The following KHDRBS2 variants were observed in gnomAD, a reference collection of about 807,000 sequenced individuals.
KHDRBS2 encodes KH domain-containing, RNA-binding, signal transduction-associated protein 2.
KHDRBS2 carries 26 observed loss-of-function variants against 44.3 expected under a neutral mutation model. The ratio of observed to expected loss-of-function variants is 0.59; its 90% CI spans 0.43 to 0.81. The LOEUF (loss-of-function observed/expected upper bound fraction) is 0.81, where lower values mean the gene tolerates loss of function less well. Among genes scored for constraint, KHDRBS2 ranks in the 40% least tolerant of loss-of-function variants. The probability of loss-of-function intolerance (pLI) is 0.00; values close to 1 mark genes in which losing one functional copy is unlikely to be tolerated. For missense variants in KHDRBS2, 476 were observed against 433.1 expected, an observed-to-expected ratio of 1.10 and a Z score of -0.88; for synonymous variants, 194 against 151.1, an observed-to-expected ratio of 1.28 and a Z score of -2.08.
At chr6:61,768,245 C>T (rs1009946793) in intron 6 of KHDRBS2, among the ~76,000 whole-genome samples, 1 of 152,044 alleles carries the variant, frequency 6.6e-6, no homozygotes, top group South Asian at 2.1e-4. Context: ...AGATCCTTTG[C>T]ATGTTGTGTC....
intron 1 of KHDRBS2, among the ~76,000 whole-genome samples, chr6:62,271,421 TAATA>T (rs533110028): frequency 1.5e-3 from 224 of 152,308 alleles, no homozygotes; most frequent in African/African-American, 5.2e-3. Flanking sequence ...TACTTGATAA[TAATA>T]AATGTGTTAC....
intron 7 of KHDRBS2, among the ~76,000 whole-genome samples, chr6:61,717,801 T>C (rs1484250074): frequency 6.6e-6 from 1 of 152,094 alleles, no homozygotes; most frequent in African/African-American, 2.4e-5. Context: ...AAGTATCTTT[T>C]GGTCAGAACT....
In KHDRBS2 at chr6:61,719,872, C is replaced by A. The variant is rs549062414; in HGVS notation, c.893+12810G>T. Among the ~76,000 whole-genome samples the A allele has an allele frequency of 2.6e-5, 4 of 152,034 alleles. No homozygotes were observed. The South Asian group carries it at 8.3e-4, about 32-fold the overall frequency. ...ATACATGTGCCATGTTGGTGTGCTG[C>A]ACCCACTAACTCGTCATCTAGCATT... On this transcript the variant is annotated intron_variant, in intron 7 of 8. Transcript: ENST00000281156.
At chr6:61,955,423 C>T (rs1288753846) in intron 4 of KHDRBS2, among the ~76,000 whole-genome samples, 1 of 140,500 alleles carries the variant, frequency 7.1e-6, no homozygotes, top group Non-Finnish European at 1.6e-5. Flanking sequence ...TATATATACA[C>T]ATACGTATGT....
chr6:61,903,672 G>A (rs978915387), intron 4 of KHDRBS2, among the ~76,000 whole-genome samples: 2 of 152,084 alleles, frequency 1.3e-5, no homozygotes, highest in Non-Finnish European at 2.9e-5. Flanking sequence ...TCTGAGATTT[G>A]CCATGTGATT....
At chr6:62,042,784 T>C (rs1786818282) in intron 3 of KHDRBS2, among the ~76,000 whole-genome samples, 1 of 152,066 alleles carries the variant, frequency 6.6e-6, no homozygotes, top group Non-Finnish European at 1.5e-5. Flanking sequence ...GCAGAAGAAA[T>C]ATTCTAGAAT....
intron 1 of KHDRBS2, among the ~76,000 whole-genome samples, chr6:62,214,252 T>C (rs542200150): frequency 6.0e-4 from 91 of 152,260 alleles, no homozygotes; most frequent in African/African-American, 2.0e-3. Context: ...GTATAGACAT[T>C]TTATATCATT....
At chr6:62,255,731 C>A (rs1209430866) in intron 1 of KHDRBS2, among the ~76,000 whole-genome samples, 2 of 151,802 alleles carry the variant, frequency 1.3e-5, no homozygotes, top group African/African-American at 4.8e-5. Flanking sequence ...TCCTGGTACT[C>A]CATCTCAGAA....
At chr6:61,698,000 G>C (rs1361734408) in intron 7 of KHDRBS2, among the ~76,000 whole-genome samples, 2 of 152,080 alleles carry the variant, frequency 1.3e-5, no homozygotes, top group Non-Finnish European at 2.9e-5. Flanking sequence ...TTCTTGAAAA[G>C]AAGTGACTTT....
At chr6:61,668,685 A>G in the KHDRBS2 span, among the ~76,000 whole-genome samples, 1 of 151,182 alleles carries the variant, frequency 6.6e-6, no homozygotes, top group African/African-American at 2.4e-5. Context: ...TCACATTACT[A>G]TCTGTTTAAT....
intron 6 of KHDRBS2, among the ~76,000 whole-genome samples, chr6:61,857,883 C>T (rs1195108045): frequency 6.6e-6 from 1 of 151,890 alleles, no homozygotes; most frequent in African/African-American, 2.4e-5. Flanking sequence ...ATATGTATGA[C>T]TTTTATATAT....
intron 1 of KHDRBS2, among the ~76,000 whole-genome samples, chr6:62,264,116 A>G (rs1026895324): frequency 2.6e-5 from 4 of 151,802 alleles, no homozygotes; most frequent in African/African-American, 9.7e-5. Flanking sequence ...AATACACAGA[A>G]AAAAGATGTA....
chr6:61,581,582 AAT>A, the KHDRBS2 span, among the ~76,000 whole-genome samples: 1 of 19,738 alleles, frequency 5.1e-5, no homozygotes, highest in Non-Finnish European at 1.3e-4. Flanking sequence ...TACAATACAC[AAT>A]ATACAATATA....
the KHDRBS2 span, among the ~76,000 whole-genome samples, chr6:61,588,107 TG>T: frequency 6.6e-6 from 1 of 152,324 alleles, no homozygotes; most frequent in East Asian, 1.9e-4. Context: ...AAAGATGAGT[TG>T]GGAGCCCTTA....
At chr6:62,119,004 C>T (rs1036744902) in intron 2 of KHDRBS2, among the ~76,000 whole-genome samples, 4 of 152,122 alleles carry the variant, frequency 2.6e-5, no homozygotes, top group Non-Finnish European at 4.4e-5. Context: ...TCCATCTATC[C>T]TACTGGTTTT....
At chr6:61,559,593 G>A in the KHDRBS2 span, among the ~76,000 whole-genome samples, 1 of 151,912 alleles carries the variant, frequency 6.6e-6, no homozygotes. Flanking sequence ...TTTTTCATTT[G>A]AAGTAACCAT....
chr6:61,683,258 T>G (rs534546531), intron 8 of KHDRBS2, among the ~76,000 whole-genome samples: 43 of 151,966 alleles, frequency 2.8e-4, no homozygotes, highest in African/African-American at 9.6e-4. Flanking sequence ...GACATAAACC[T>G]AGGGACTTGC....
At chr6:61,568,272 G>C in the KHDRBS2 span, among the ~76,000 whole-genome samples, 4 of 152,172 alleles carry the variant, frequency 2.6e-5, no homozygotes, top group Non-Finnish European at 4.4e-5. Context: ...GACAAGTAAA[G>C]TGATGCCTTC....
intron 1 of KHDRBS2, among the ~76,000 whole-genome samples, chr6:62,178,323 T>G (rs1341943917): frequency 6.6e-6 from 1 of 151,556 alleles, no homozygotes; most frequent in Non-Finnish European, 1.5e-5. Context: ...AGAAAGCCTG[T>G]GTGGCTGAAG....
Sources: gnomAD v4.1 joint callset for allele counts (sites outside exome capture counted in the v4.1 genomes callset) on GRCh38, gnomAD v4.1.1 for gene constraint, MANE v1.5 for transcripts, NCBI Gene and HGNC (gene_info 2026-07-23, HGNC 2026-07-21) for gene names.